Variants in KMT2A observed in about 807,000 individuals in gnomAD.
KMT2A encodes lysine methyltransferase 2A.
In KMT2A, 16 loss-of-function variants were observed where a neutral mutation model predicts 345.3. That is an observed-to-expected ratio of 0.05 (90% CI 0.03 to 0.07). KMT2A has a LOEUF of 0.07. KMT2A is among the 10% of genes least tolerant of loss of function. KMT2A has a pLI of 1.00. For missense variants in KMT2A, 3,272 were observed against 4,841.6 expected (o/e 0.68, Z 9.62); for synonymous variants, 1,599 against 1,778.6 (o/e 0.90, Z 2.54).
Position 118,519,973 on chromosome 11 carries a change from A to G in KMT2A, c.11338A>G (p.Met3780Val). The G allele has an allele frequency of 6.2e-7, 1 of 1,613,886 alleles. No homozygotes were observed. Among genetic ancestry groups the G allele is most frequent in the Non-Finnish European group, 8.5e-7 (1 of 1,179,782 alleles). Reference protein sequence around the residue: ...EVHLRKSAFDMFNFLASKHRQ... With the variant: ...EVHLRKSAFDVFNFLASKHRQ... ...TGGCCCCAGGAAGTCAGCATTTGAC[A>G]TGTTTAACTTCCTGGCTTCTAAACA... is the stretch of plus-strand genomic sequence containing the variant. Residue 3780 changes from methionine (M) to valine (V), a missense_variant, in exon 33 of 36, where the codon ATG becomes GTG. By Grantham distance (21) the Met-to-Val change is conservative (BLOSUM62 1). Around this residue, in one of 27 missense-constraint regions of KMT2A, gnomAD observed 72 missense variants for 135.6 expected, o/e 0.53. Transcript: ENST00000534358.
rs1555043118 is a variant in KMT2A at position 118,493,309 on chromosome 11, T to G, written c.5178+79T>G. The G allele has an allele frequency of 8.8e-7, 1 of 1,131,272 alleles. No homozygotes were observed. Among genetic ancestry groups the G allele is most frequent in the Non-Finnish European group, 1.3e-6 (1 of 787,460 alleles). 70.1% of individuals were successfully genotyped at this position (1,131,272 alleles called of 1,614,324 possible). A position where few individuals can be genotyped will look rare whatever the true frequency, so the allele number is the denominator to read the frequency against. ...GACCTTTGGGGCATGAAACTGAGTA[T>G]AAGTAAATTTAAAAATGAATTGTAT... On this transcript the variant is annotated intron_variant, in intron 16 of 35. Transcript: ENST00000534358. This position sits in a 1 kb window ranked among gnomAD's most constrained non-coding sequence, Gnocchi z 5.8.
At position 118,520,953 on chromosome 11, in the gene KMT2A, A is replaced by C; in HGVS notation, c.11513+68A>C. 1.7e-6 allele frequency: 2 copies of C among 1,171,470 alleles called. No homozygotes were observed. The highest frequency in any genetic ancestry group is 2.6e-6 in the Non-Finnish European group (2 of 779,960). 72.6% of individuals were successfully genotyped at this position (1,171,470 alleles called of 1,614,324 possible). A position where few individuals can be genotyped will look rare whatever the true frequency, so the allele number is the denominator to read the frequency against. ...GTTTTTCAAAATCAAAGCAGACCAAATGCTGGAGTGACCTTCCTCACTCAG... is the reference window on the plus strand; with the variant it reads ...GTTTTTCAAAATCAAAGCAGACCAACTGCTGGAGTGACCTTCCTCACTCAG... On this transcript the variant is annotated intron_variant, in intron 34 of 35. Transcript: ENST00000534358. This position sits in a 1 kb window ranked among gnomAD's most constrained non-coding sequence, Gnocchi z 4.3.
chr11:118,455,762 A>G (rs1555030640), intron 1 of KMT2A, among the ~76,000 whole-genome samples: 1 of 151,626 alleles, frequency 6.6e-6, no homozygotes, highest in African/African-American at 2.4e-5. Context: ...CAGTGGCGCA[A>G]TCATGGCTCA....
In KMT2A at chr11:118,525,725, C is replaced by CA. The variant is rs1555055360; in HGVS notation, c.*3557dup. 4.4e-6 allele frequency: 1 copy of CA among 228,366 alleles called. No individual in the cohort carries two copies. The highest frequency in any genetic ancestry group is 8.6e-6 in the Non-Finnish European group (1 of 115,846). The allele number at this position is 228,366 out of a possible 1,614,324, so 14.1% of individuals were successfully genotyped here. On this transcript the variant is annotated 3_prime_UTR_variant, in exon 36 of 36. Coordinates refer to ENST00000534358, the MANE Select transcript of KMT2A (RefSeq NM_001197104.2). ...TCAAATATCTGAAAATACTAAAGGT[C>CA]AAAACCTTGTCAGATGTTAACTTCT...
In KMT2A at chr11:118,474,153, T is replaced by C. The variant is rs1156935935; in HGVS notation, c.2994T>C (p.Thr998=). ...GCCTTTCCACTCCTTCATCTAGCACTGTTAAACATTCCACTTCCTCCATAG... is the reference window on the plus strand; with the variant it reads ...GCCTTTCCACTCCTTCATCTAGCACCGTTAAACATTCCACTTCCTCCATAG... ...TLCLSTPSSS[T]VKHSTSSIGS... is the part of the protein sequence containing the mutation. Residue 998 remains threonine, a synonymous_variant, in exon 3 of 36, where the codon ACT becomes ACC. Transcript: ENST00000534358. 6.2e-7 allele frequency: 1 copy of C among 1,614,074 alleles called. No homozygotes were observed. The highest frequency in any genetic ancestry group is 1.3e-5 in the African/African-American group (1 of 74,926).
At chr11:118,474,941 C>T (rs1555037139) in intron 3 of KMT2A, among the ~76,000 whole-genome samples, 1 of 151,426 alleles carries the variant, frequency 6.6e-6, no homozygotes, top group African/African-American at 2.4e-5. Flanking sequence ...CCTGGCCTGG[C>T]CAACACGGTG....
rs374209348 is a variant in KMT2A at position 118,490,254 on chromosome 11, C to G, written c.4696+5C>G. On this transcript the variant is annotated splice_donor_5th_base_variant and intron_variant, in intron 13 of 35. Transcript: ENST00000534358. This position sits in a 1 kb window ranked among gnomAD's most constrained non-coding sequence, Gnocchi z 4.2. ...GCGCCAAGCTCTTTGCTAAAGGTAC[C>G]CAAAAAAGCCAGTTTTGCCAGCTTT... 45 of 1,541,860 alleles carry G rather than the reference C, an allele frequency of 2.9e-5. No homozygotes were observed. The highest frequency in any genetic ancestry group is 3.8e-5 in the Non-Finnish European group (44 of 1,153,000).
chr11:118,501,539 GA>G (rs1950500723), intron 25 of KMT2A, 132 bp from the exon 26 acceptor site: 1 of 698,322 alleles, frequency 1.4e-6, no homozygotes. Flanking sequence ...AAAGCTGGGG[GA>G]AAAGTCATTT....
At chr11:118,441,409 T>C (rs1312597220) in intron 1 of KMT2A, among the ~76,000 whole-genome samples, 2 of 152,312 alleles carry the variant, frequency 1.3e-5, no homozygotes, top group Admixed American at 6.5e-5. Context: ...GTTTCATTTA[T>C]AAGAAAAATG....
chr11:118,498,097 A>G lies in KMT2A; in HGVS notation c.5802+24A>G, dbSNP rs1267698233. ...TGGTAAGACCTTATGGGTAAATTTT[A>G]TGAAAGAGATTCCCTCTCAGTTTCC... On this transcript the variant is annotated intron_variant, in intron 21 of 35. Coordinates refer to ENST00000534358, the MANE Select transcript of KMT2A (RefSeq NM_001197104.2). This position sits in a 1 kb window ranked among gnomAD's most constrained non-coding sequence, Gnocchi z 4.4. 2.5e-6 allele frequency: 4 copies of G among 1,607,750 alleles called. No homozygotes were observed. Among genetic ancestry groups the G allele is most frequent in the East Asian group, 4.5e-5 (2 of 44,820 alleles).
intron 23 of KMT2A, 118 bp downstream of exon 23, chr11:118,499,538 C>G (rs1555045042): frequency 2.7e-6 from 2 of 752,806 alleles, no homozygotes; most frequent in Non-Finnish European, 4.7e-6. Context: ...AATCCCAGCA[C>G]TTTGGGAGGC....
At chr11:118,437,265 T>A (rs1949208643) in intron 1 of KMT2A, among the ~76,000 whole-genome samples, 1 of 151,514 alleles carries the variant, frequency 6.6e-6, no homozygotes, top group Non-Finnish European at 1.5e-5. Flanking sequence ...TTTCACAGAT[T>A]ACCTCATCCG....
chr11:118,512,817 A>G (rs1484755397), intron 31 of KMT2A, among the ~76,000 whole-genome samples: 1 of 129,678 alleles, frequency 7.7e-6, no homozygotes, highest in Non-Finnish European at 1.7e-5. Context: ...TTTTTTTTTT[A>G]TTTTAGACAT....
At chr11:118,439,158 CAAAAAAAAAAAA>C in intron 1 of KMT2A, 1 of 265,450 alleles carries the variant, frequency 3.8e-6, no homozygotes, top group South Asian at 2.5e-5. Flanking sequence ...GATACAGCAG[CAAAAAAAAAAAA>C]AAAGAAAAAA....
Position 118,524,613 on chromosome 11 carries a change from T to C in KMT2A, c.*2441T>C, listed in dbSNP as rs1045265179. On this transcript the variant is annotated 3_prime_UTR_variant, in exon 36 of 36. Transcript: ENST00000534358. ...TTCCTCCTTTTGCCCATGAACAAGA[T>C]GCAGTGGCCCTAGGGGTTCCACTAG... 2.2e-5 allele frequency: 4 copies of C among 180,856 alleles called. No homozygotes were observed. The highest frequency in any genetic ancestry group is 9.4e-5 in the African/African-American group (4 of 42,366). The allele number at this position is 180,856 out of a possible 1,614,324, so 11.2% of individuals were successfully genotyped here.
chr11:118,460,064 A>G (rs1200408827), intron 1 of KMT2A, among the ~76,000 whole-genome samples: 1 of 152,198 alleles, frequency 6.6e-6, no homozygotes, highest in African/African-American at 2.4e-5. Flanking sequence ...AGAAAACATT[A>G]CAGTTTATCA....
chr11:118,465,124 C>G (rs1321971846), intron 1 of KMT2A, among the ~76,000 whole-genome samples: 24 of 151,990 alleles, frequency 1.6e-4, no homozygotes, highest in Admixed American at 1.6e-3. Context: ...ATGAAGGAGG[C>G]GGAGCATCTA....
In KMT2A at chr11:118,476,755, T is replaced by C; in HGVS notation, c.3157-50T>C. Reference sequence around the variant, plus strand: ...AGTATACCTTGGCTTCGTTCAGTTATAATTTCAACATGTATGGTTGTTATT... The same window carrying C: ...AGTATACCTTGGCTTCGTTCAGTTACAATTTCAACATGTATGGTTGTTATT... On this transcript the variant is annotated intron_variant, in intron 3 of 35. Transcript: ENST00000534358. This position sits in a 1 kb window ranked among gnomAD's most constrained non-coding sequence, Gnocchi z 4.1. 1 of 1,508,630 alleles carries C rather than the reference T, an allele frequency of 6.6e-7. No homozygotes were observed. Among genetic ancestry groups the C allele is most frequent in the South Asian group, 1.2e-5 (1 of 82,650 alleles). The allele number at this position is 1,508,630 out of a possible 1,614,324, so 93.5% of individuals were successfully genotyped here. A position where few individuals can be genotyped will look rare whatever the true frequency, so the allele number is the denominator to read the frequency against.
In KMT2A at chr11:118,496,533, A is replaced by G. The variant is rs1351383971; in HGVS notation, c.5664+166A>G. The stretch of plus-strand genomic sequence containing the variant: ...ATAACTTATAACTTATTAATTTGTA[A>G]CTTATTTTTTGTCACTTAGTTCATG... On this transcript the variant is annotated intron_variant, in intron 20 of 35. Transcript: ENST00000534358. The surrounding 1 kb of genome is among the most constrained non-coding windows in gnomAD (Gnocchi z 4.7). 3.3e-5 allele frequency among the ~76,000 whole-genome samples: 5 copies of G among 152,098 alleles called. No individual in the cohort carries two copies. Among genetic ancestry groups the G allele is most frequent in the African/African-American group, 9.7e-5 (4 of 41,402 alleles).
Sources: allele counts gnomAD v4.1 joint callset (sites outside exome capture counted in the v4.1 genomes callset), GRCh38; gene constraint gnomAD v4.1.1; regional missense constraint gnomAD v4.1.1; non-coding constraint Gnocchi (gnomAD v3.1); transcripts MANE v1.5; gene names NCBI Gene and HGNC (gene_info 2026-07-23, HGNC 2026-07-21).